The following CYTH3 variants were observed in gnomAD, a reference collection of about 807,000 sequenced individuals.
The protein encoded by CYTH3 is cytohesin-3.
Under a neutral mutation model 55.1 loss-of-function variants are expected in CYTH3, and 23 were observed. That is an observed-to-expected ratio of 0.42 (90% confidence interval 0.30 to 0.59). The LOEUF is 0.59. CYTH3 is among the 20% of genes least tolerant of loss of function. The probability of loss-of-function intolerance (pLI) is 0.20; values close to 1 mark genes in which losing one functional copy is unlikely to be tolerated. For synonymous variants in CYTH3, 249 were observed against 194.9 expected, an observed-to-expected ratio of 1.28 and a Z score of -2.31; for missense variants, 413 against 524.8, an observed-to-expected ratio of 0.79 and a Z score of 2.08.
In CYTH3 at chr7:6,162,673, C is replaced by T. The variant is rs544706880; in HGVS notation, c.*2271G>A. 5 of 152,402 alleles carry T rather than the reference C, an allele frequency of 3.3e-5. No individual in the cohort carries two copies. Among genetic ancestry groups the T allele is most frequent in the African/African-American group, 1.2e-4 (5 of 41,578 alleles). 9.4% of individuals were successfully genotyped at this position (152,402 alleles called of 1,614,324 possible). On this transcript the variant is annotated 3_prime_UTR_variant, in exon 13 of 13. Coordinates refer to ENST00000350796, the MANE Select transcript of CYTH3 (RefSeq NM_004227.4). ...ACCACAAAGTACCTGGAGTCTAACT[C>T]AGCACCACAGCCTCTGCATGGCTCC...
intron 9 of CYTH3, among the ~76,000 whole-genome samples, chr7:6,168,814 G>T (rs1783086634): frequency 6.6e-6 from 1 of 152,256 alleles, no homozygotes; most frequent in Non-Finnish European, 1.5e-5. Flanking sequence ...GGTGGCAGGG[G>T]TCACATTGGC....
intron 1 of CYTH3, among the ~76,000 whole-genome samples, chr7:6,236,637 A>T (rs546788146): frequency 1.3e-5 from 2 of 151,904 alleles, no homozygotes; most frequent in East Asian, 3.9e-4. Flanking sequence ...CAGCTCACTG[A>T]AACCTCCACC....
chr7:6,183,959 C>T (rs1222698037), intron 4 of CYTH3, among the ~76,000 whole-genome samples: 1 of 149,924 alleles, frequency 6.7e-6, no homozygotes, highest in Non-Finnish European at 1.5e-5. Context: ...CCTCACCAGA[C>T]ACCAATCATG....
intron 1 of CYTH3, among the ~76,000 whole-genome samples, chr7:6,223,087 G>C (rs566928246): frequency 6.6e-6 from 1 of 152,372 alleles, no homozygotes; most frequent in African/African-American, 2.4e-5. Context: ...ATGCGGTCTG[G>C]CATGTGAGAA....
intron 1 of CYTH3, among the ~76,000 whole-genome samples, chr7:6,200,436 A>G (rs975823639): frequency 6.6e-6 from 1 of 152,224 alleles, no homozygotes; most frequent in East Asian, 1.9e-4. Context: ...GTCAAATGTG[A>G]TAATACGTAC....
chr7:6,190,416 TTTGGA>T, intron 2 of CYTH3, 28 bp downstream of exon 2: 1 of 1,437,538 alleles, frequency 7.0e-7, no homozygotes, highest in Non-Finnish European at 9.1e-7. Context: ...AAAACAGAGT[TTTGGA>T]TTTTTGGTTT....
chr7:6,232,159 A>G (rs1005241234), intron 1 of CYTH3, among the ~76,000 whole-genome samples: 18 of 152,134 alleles, frequency 1.2e-4, no homozygotes, highest in Admixed American at 1.1e-3. Flanking sequence ...TGATAAGCAT[A>G]ACCACCCTTA....
At chr7:6,247,130 C>T (rs1233780426) in intron 1 of CYTH3, among the ~76,000 whole-genome samples, 2 of 152,236 alleles carry the variant, frequency 1.3e-5, no homozygotes, top group Non-Finnish European at 2.9e-5. Flanking sequence ...CTAGCTCCAA[C>T]TTCTGTATCT....
intron 4 of CYTH3, among the ~76,000 whole-genome samples, chr7:6,179,624 C>A (rs10264752): frequency 1.6e-4 from 18 of 109,798 alleles, no homozygotes; most frequent in African/African-American, 5.3e-4. Context: ...ACACACACAC[C>A]CCCCACATAC....
chr7:6,196,997 T>C (rs754845683), intron 1 of CYTH3, among the ~76,000 whole-genome samples: 2 of 152,228 alleles, frequency 1.3e-5, no homozygotes, highest in African/African-American at 2.4e-5. Flanking sequence ...TAAGAAAGTC[T>C]ATCTACAGTT....
intron 1 of CYTH3, among the ~76,000 whole-genome samples, chr7:6,209,955 G>A (rs1321261390): frequency 6.6e-6 from 1 of 152,194 alleles, no homozygotes; most frequent in Non-Finnish European, 1.5e-5. Flanking sequence ...GGGGTTCAGG[G>A]GGACACGGAC....
intron 1 of CYTH3, among the ~76,000 whole-genome samples, chr7:6,248,209 T>C (rs17136102): frequency 0.069 from 9,979 of 145,020 alleles, 860 homozygotes; most frequent in East Asian, 0.44. Context: ...TTCTGAACAA[T>C]AGTATTTAGA....
intron 4 of CYTH3, among the ~76,000 whole-genome samples, chr7:6,186,050 C>G (rs956923066): frequency 6.6e-6 from 1 of 151,854 alleles, no homozygotes; most frequent in Non-Finnish European, 1.5e-5. Context: ...CAAGACCATC[C>G]TGGCTAACAC....
At chr7:6,240,823 G>GA (rs1393114696) in intron 1 of CYTH3, among the ~76,000 whole-genome samples, 1 of 151,586 alleles carries the variant, frequency 6.6e-6, no homozygotes, top group East Asian at 1.9e-4. Flanking sequence ...TGTGAAAAAA[G>GA]AAAAAAAGGA....
intron 2 of CYTH3, chr7:6,188,593 T>G (rs1369799719): frequency 6.6e-6 from 1 of 152,214 alleles, no homozygotes; most frequent in Non-Finnish European, 1.5e-5. Context: ...TGAAGCACCA[T>G]GGACAGAGCC....
Position 6,178,070 on chromosome 7 carries a change from T to C in CYTH3, c.250-129A>G, listed in dbSNP as rs1270629730. The C allele has an allele frequency of 1.5e-4, 97 of 663,680 alleles. No homozygotes were observed. In the East Asian group the frequency reaches 2.5e-3, roughly 17 times the overall value. 41.1% of individuals were successfully genotyped at this position (663,680 alleles called of 1,614,324 possible). A position where few individuals can be genotyped will look rare whatever the true frequency, so the allele number is the denominator to read the frequency against. ...GCAAAAATAATACCAGAGACACCCA[T>C]ACAACTGCACAATCTGATTTTCCCA... On this transcript the variant is annotated intron_variant, in intron 4 of 12. Coordinates refer to ENST00000350796, the MANE Select transcript of CYTH3 (RefSeq NM_004227.4).
intron 1 of CYTH3, among the ~76,000 whole-genome samples, chr7:6,246,480 C>T (rs973395060): frequency 6.6e-5 from 10 of 152,118 alleles, no homozygotes; most frequent in South Asian, 2.1e-4. Flanking sequence ...CCTCCTCCAG[C>T]GAGGAATGCA....
At chr7:6,231,756 TC>T (rs1415811110) in intron 1 of CYTH3, among the ~76,000 whole-genome samples, 2 of 152,154 alleles carry the variant, frequency 1.3e-5, no homozygotes, top group African/African-American at 4.8e-5. Context: ...ATGATTATTA[TC>T]CCCCAAGTGG....
At chr7:6,262,824 C>G (rs998584808) in intron 1 of CYTH3, among the ~76,000 whole-genome samples, 1 of 152,192 alleles carries the variant, frequency 6.6e-6, no homozygotes, top group Non-Finnish European at 1.5e-5. Context: ...GAGGCTGAGG[C>G]AGGAGGACTG....
Sources: gnomAD v4.1 joint callset for allele counts (sites outside exome capture counted in the v4.1 genomes callset) on GRCh38, gnomAD v4.1.1 for gene constraint, MANE v1.5 for transcripts, NCBI Gene and HGNC (gene_info 2026-07-23, HGNC 2026-07-21) for gene names.